SNX14: variants seen among roughly 807,000 people sequenced by gnomAD.
SNX14 encodes the protein sorting nexin 14.
A neutral mutation model predicts 133.8 loss-of-function variants in SNX14; 93 were observed. That is an observed-to-expected ratio of 0.70 (90% CI 0.59 to 0.83). The LOEUF (loss-of-function observed/expected upper bound fraction) is 0.83. SNX14 is among the 40% of genes least tolerant of loss of function. The probability of loss-of-function intolerance (pLI) is 0.00; values close to 1 mark genes in which losing one functional copy is unlikely to be tolerated. For synonymous variants in SNX14, 368 were observed against 365.6 expected (o/e 1.01, Z -0.07); for missense variants, 945 against 1,094.9 (o/e 0.86, Z 1.93).
At chr6:85,537,831 C>T (rs1017003407) in intron 16 of SNX14, among the ~76,000 whole-genome samples, 2 of 152,152 alleles carry the variant, frequency 1.3e-5, no homozygotes, top group Non-Finnish European at 2.9e-5. Flanking sequence ...CACCTGTAAT[C>T]CCAGCTACTA....
At chr6:85,588,429 T>C (rs1801689947) in intron 1 of SNX14, among the ~76,000 whole-genome samples, 1 of 150,868 alleles carries the variant, frequency 6.6e-6, no homozygotes, top group Non-Finnish European at 1.5e-5. Flanking sequence ...AAAAAAAAAT[T>C]AGCCGGGCGC....
chr6:85,518,170 A>G, intron 21 of SNX14, 122 bp from the exon 22 acceptor site: 1 of 737,442 alleles, frequency 1.4e-6, no homozygotes, highest in Admixed American at 2.7e-5. Flanking sequence ...AAAAGTATTT[A>G]TGATTGACCA....
intron 7 of SNX14, among the ~76,000 whole-genome samples, chr6:85,552,470 A>AC (rs1415724368): frequency 6.6e-6 from 1 of 152,050 alleles, no homozygotes; most frequent in African/African-American, 2.4e-5. Context: ...GCCTGCTAGG[A>AC]CCCCCAGCAT....
chr6:85,572,046 TC>T (rs1223769162), intron 4 of SNX14, 90 bp downstream of exon 4: 4 of 1,043,554 alleles, frequency 3.8e-6, no homozygotes, highest in Non-Finnish European at 5.7e-6. Flanking sequence ...ATTAAGATGC[TC>T]CATGATTAAA....
At chr6:85,549,157 T>A (rs1230006780) in intron 8 of SNX14, among the ~76,000 whole-genome samples, 1 of 152,002 alleles carries the variant, frequency 6.6e-6, no homozygotes, top group African/African-American at 2.4e-5. Context: ...ATAAAAATTT[T>A]AAACAAAAAG....
intron 1 of SNX14, among the ~76,000 whole-genome samples, chr6:85,578,672 A>C (rs1339138965): frequency 2.0e-5 from 3 of 152,210 alleles, no homozygotes; most frequent in Non-Finnish European, 2.9e-5. Flanking sequence ...CTATCTGTCT[A>C]AGCTAGACTG....
In SNX14 at chr6:85,549,886, A is replaced by T; in HGVS notation, c.635-7T>A. Reference sequence around the variant, plus strand: ...AAAAACTCTGTATTTTTTACTATAGAGATTAAAGATAAATATTGAAACAAG... The same window carrying T: ...AAAAACTCTGTATTTTTTACTATAGTGATTAAAGATAAATATTGAAACAAG... On this transcript the variant is annotated splice_polypyrimidine_tract_variant and splice_region_variant and intron_variant, in intron 7 of 28. Transcript: ENST00000314673. The T allele has an allele frequency of 6.3e-7, 1 of 1,586,874 alleles. No homozygotes were observed. The highest frequency in any genetic ancestry group is 8.6e-7 in the Non-Finnish European group (1 of 1,168,204).
chr6:85,542,230 A>T (rs900785536), intron 14 of SNX14, among the ~76,000 whole-genome samples, 187 bp from the exon 15 acceptor site: 5 of 152,220 alleles, frequency 3.3e-5, no homozygotes, highest in African/African-American at 4.8e-5. Flanking sequence ...ACAGGTTTGT[A>T]AATAACGTGT....
At chr6:85,512,545 C>T (rs377381850) in intron 26 of SNX14, among the ~76,000 whole-genome samples, 11 of 151,752 alleles carry the variant, frequency 7.2e-5, no homozygotes, top group African/African-American at 2.7e-4. Flanking sequence ...TTGCTTGAAC[C>T]CAGGAGGCGG....
intron 1 of SNX14, among the ~76,000 whole-genome samples, chr6:85,590,583 T>C (rs1276730152): frequency 2.6e-5 from 4 of 152,336 alleles, no homozygotes; most frequent in Non-Finnish European, 4.4e-5. Flanking sequence ...TCTCTTGACA[T>C]TTTTTAAGCC....
intron 1 of SNX14, among the ~76,000 whole-genome samples, chr6:85,585,016 T>C (rs1800222602): frequency 6.6e-6 from 1 of 152,006 alleles, no homozygotes; most frequent in Admixed American, 6.6e-5. Context: ...CCATCAGTGA[T>C]AGACTGGAAA....
At chr6:85,537,043 G>A (rs1782182535) in intron 16 of SNX14, 119 bp from the exon 17 acceptor site, 2 of 1,058,336 alleles carry the variant, frequency 1.9e-6, no homozygotes, top group Non-Finnish European at 2.6e-6. Flanking sequence ...TAAAGGTATA[G>A]CTAACATAAC....
chr6:85,593,759 C>G lies in SNX14; in HGVS notation c.-41G>C. ...GCCGAGACTGCGCTACTGGCTGAGG[C>G]AGAGGTCAAGGCGACCCCCCATCCA... On this transcript the variant is annotated 5_prime_UTR_variant, in exon 1 of 29. Transcript: ENST00000314673. 1 of 1,606,670 alleles carries G rather than the reference C, an allele frequency of 6.2e-7. No homozygotes were observed. Among genetic ancestry groups the G allele is most frequent in the South Asian group, 1.1e-5 (1 of 90,464 alleles).
intron 16 of SNX14, 114 bp from the exon 17 acceptor site, chr6:85,537,038 G>T: frequency 1.8e-6 from 2 of 1,106,158 alleles, no homozygotes; most frequent in South Asian, 2.1e-5. Flanking sequence ...TAAACTAAAG[G>T]TATAGCTAAC....
intron 6 of SNX14, among the ~76,000 whole-genome samples, chr6:85,564,897 G>A (rs756902303): frequency 1.3e-5 from 2 of 151,906 alleles, no homozygotes; most frequent in Non-Finnish European, 2.9e-5. Flanking sequence ...GCTGAGGCAG[G>A]AGAATCACTT....
intron 7 of SNX14, among the ~76,000 whole-genome samples, chr6:85,553,170 C>CT (rs1329906323): frequency 1.3e-5 from 2 of 152,138 alleles, no homozygotes; most frequent in Admixed American, 6.5e-5. Flanking sequence ...TCAGTGCTTG[C>CT]TTTTTTTCTG....
At chr6:85,516,716 C>A (rs1288025208) in intron 23 of SNX14, among the ~76,000 whole-genome samples, 1 of 148,802 alleles carries the variant, frequency 6.7e-6, no homozygotes, top group East Asian at 2.0e-4. Flanking sequence ...CAGCTCACTG[C>A]AACCTCCACC....
At chr6:85,509,816 A>G (rs1452884130) in intron 26 of SNX14, among the ~76,000 whole-genome samples, 4 of 152,110 alleles carry the variant, frequency 2.6e-5, no homozygotes, top group Non-Finnish European at 4.4e-5. Flanking sequence ...TGCTCTGCCT[A>G]TTCATCCCTC....
At chr6:85,538,607 T>C (rs542620767) in intron 16 of SNX14, among the ~76,000 whole-genome samples, 5 of 152,300 alleles carry the variant, frequency 3.3e-5, no homozygotes, top group Admixed American at 2.0e-4. Context: ...AAAATATCTT[T>C]AAAGTATCAG....
Sources: gnomAD v4.1 joint callset for allele counts (sites outside exome capture counted in the v4.1 genomes callset) on GRCh38, gnomAD v4.1.1 for gene constraint, MANE v1.5 for transcripts, NCBI Gene and HGNC (gene_info 2026-07-23, HGNC 2026-07-21) for gene names.